The following PCDHA13 variants were observed in gnomAD, a reference collection of about 807,000 sequenced individuals.
The protein encoded by PCDHA13 is protocadherin alpha-13.
Under a neutral mutation model 64.8 loss-of-function variants are expected in PCDHA13, and 54 were observed. That is an observed-to-expected ratio of 0.83 (90% CI 0.67 to 1.04). The LOEUF is 1.04. Ranked by LOEUF, PCDHA13 falls within the 50% of genes least tolerant of loss-of-function variation. The pLI is 0.00. For missense variants in PCDHA13, 1,248 were observed against 1,254.3 expected, an observed-to-expected ratio of 0.99 and a Z score of 0.08; for synonymous variants, 587 against 564.4, an observed-to-expected ratio of 1.04 and a Z score of -0.57.
At chr5:140,949,670 T>G (rs1218670800) in intron 1 of PCDHA13, among the ~76,000 whole-genome samples, 2 of 151,862 alleles carry the variant, frequency 1.3e-5, no homozygotes, top group African/African-American at 4.8e-5. Flanking sequence ...CTTTAAAGTA[T>G]GCCCTTGTTG....
intron 1 of PCDHA13, among the ~76,000 whole-genome samples, chr5:140,931,140 G>C (rs1176305397): frequency 6.6e-6 from 1 of 152,070 alleles, no homozygotes; most frequent in African/African-American, 2.4e-5. Context: ...TATTTGCAGT[G>C]GATACTATTT....
In PCDHA13 at chr5:140,931,701, A is replaced by G. The variant is rs78657610; in HGVS notation, c.2394+47039A>G. Among the ~76,000 whole-genome samples the G allele has an allele frequency of 8.3e-3, 1,259 of 152,106 alleles. 10 individuals are homozygous for G. Among genetic ancestry groups the G allele is most frequent in the Non-Finnish European group, 0.014 (970 of 67,850 alleles). ...TAAATGAATTGTGATTCATAAAACC[A>G]TGAATAAAATAACTTCTATAAATAT... On this transcript the variant is annotated intron_variant, in intron 1 of 3. Coordinates refer to ENST00000289272, the MANE Select transcript of PCDHA13 (RefSeq NM_018904.3).
chr5:140,974,636 C>T (rs1208653634), intron 1 of PCDHA13, among the ~76,000 whole-genome samples: 2 of 152,054 alleles, frequency 1.3e-5, no homozygotes, highest in African/African-American at 4.8e-5. Flanking sequence ...CTCAACCTCC[C>T]GAGTAGCTGA....
intron 3 of PCDHA13, among the ~76,000 whole-genome samples, chr5:140,997,680 G>A (rs954561672): frequency 6.6e-6 from 1 of 151,954 alleles, no homozygotes; most frequent in African/African-American, 2.4e-5. Context: ...GTGTGTGTGT[G>A]TGTGTGTGTG....
chr5:140,924,902 A>AAT (rs2082141904), intron 1 of PCDHA13, among the ~76,000 whole-genome samples: 1 of 39,026 alleles, frequency 2.6e-5, no homozygotes, highest in African/African-American at 7.6e-5. Flanking sequence ...CTCAAAAAAA[A>AAT]AAATAAAATA....
intron 3 of PCDHA13, among the ~76,000 whole-genome samples, chr5:140,984,824 C>T (rs920985683): frequency 6.6e-6 from 1 of 151,980 alleles, no homozygotes; most frequent in African/African-American, 2.4e-5. Flanking sequence ...TCTTAATTAC[C>T]CTTTCTGTAA....
chr5:140,941,206 T>TCTTC (rs201128549), intron 1 of PCDHA13, among the ~76,000 whole-genome samples: 3,670 of 95,482 alleles, frequency 0.038, 169 homozygotes, highest in African/African-American at 0.16. Flanking sequence ...TTTCTTCCTT[T>TCTTC]CTTTCTTCCT....
intron 1 of PCDHA13, among the ~76,000 whole-genome samples, chr5:140,903,821 A>G (rs2153482193): frequency 6.6e-6 from 1 of 152,320 alleles, no homozygotes. Context: ...TCTCACATGA[A>G]TGTCTGTTGG....
rs2084561103 is a variant in PCDHA13 at position 140,927,726 on chromosome 5, A to G, written c.2394+43064A>G. On this transcript the variant is annotated intron_variant, in intron 1 of 3. Transcript: ENST00000289272. ...ACTCCCTAAGCAACAGCACGCAAGCAGAGCTGCGACACCGCTTTCACGTGC... is the reference window on the plus strand; with the variant it reads ...ACTCCCTAAGCAACAGCACGCAAGCGGAGCTGCGACACCGCTTTCACGTGC... 6 of 1,614,220 alleles carry G rather than the reference A, an allele frequency of 3.7e-6. No individual in the cohort carries two copies. The African/African-American group carries it at 8.0e-5, about 22-fold the overall frequency.
At chr5:140,993,460 T>TCCCACA (rs1554253699) in intron 3 of PCDHA13, among the ~76,000 whole-genome samples, 8 of 104,506 alleles carry the variant, frequency 7.7e-5, no homozygotes, top group African/African-American at 3.1e-4. Context: ...CTTCTTTCTT[T>TCCCACA]CTCACACACA....
intron 1 of PCDHA13, chr5:140,927,044 C>T (rs1337649079): frequency 6.2e-7 from 1 of 1,612,210 alleles, no homozygotes; most frequent in Non-Finnish European, 8.5e-7. Flanking sequence ...GCCGCTATGT[C>T]CTCGCGGAAC....
intron 1 of PCDHA13, among the ~76,000 whole-genome samples, chr5:140,894,090 C>T (rs1554185919): frequency 6.6e-6 from 1 of 152,154 alleles, no homozygotes; most frequent in African/African-American, 2.4e-5. Flanking sequence ...CCAGTATCTT[C>T]TAGCTCCTGG....
At chr5:140,914,059 G>A (rs2076582448) in intron 1 of PCDHA13, among the ~76,000 whole-genome samples, 1 of 152,202 alleles carries the variant, frequency 6.6e-6, no homozygotes, top group African/African-American at 2.4e-5. Flanking sequence ...GCTGTTGGAT[G>A]AAATGCTCCA....
chr5:140,911,885 A>T (rs1242639819), intron 1 of PCDHA13, among the ~76,000 whole-genome samples: 1 of 152,216 alleles, frequency 6.6e-6, no homozygotes, highest in Non-Finnish European at 1.5e-5. Flanking sequence ...TCCTGGGACC[A>T]AAATCTGTAT....
chr5:140,921,732 A>G lies in PCDHA13; in HGVS notation c.2394+37070A>G, dbSNP rs1345229893. 2.0e-5 allele frequency among the ~76,000 whole-genome samples: 3 copies of G among 152,206 alleles called. No individual in the cohort carries two copies. In the East Asian group the frequency reaches 5.8e-4, roughly 29 times the overall value. ...AAACACACGAATTACTCCCATAAAA[A>G]TTATAAGCATAACAGGACACTTCTT... is the stretch of plus-strand genomic sequence containing the variant. On this transcript the variant is annotated intron_variant, in intron 1 of 3. Coordinates refer to ENST00000289272, the MANE Select transcript of PCDHA13 (RefSeq NM_018904.3).
In PCDHA13 at chr5:140,882,573, G is replaced by A. The variant is rs2059201802; in HGVS notation, c.305G>A (p.Cys102Tyr). Residue 102 changes from cysteine to tyrosine, a missense_variant, in exon 1 of 4, where the codon TGC becomes TAC. Cys to Tyr is a radical substitution (Grantham distance 194, BLOSUM62 -2). Transcript: ENST00000289272. The part of the protein sequence containing the change: ...REELCGRSAE[C>Y]SIHLEVIVDR... ...GAGCTGTGTGGGCGGAGCGCGGAGT[G>A]CAGCATCCACCTGGAGGTGATCGTG... is the stretch of plus-strand genomic sequence containing the variant. 2.5e-6 allele frequency: 4 copies of A among 1,614,234 alleles called. No individual in the cohort carries two copies. The highest frequency in any genetic ancestry group is 3.4e-6 in the Non-Finnish European group (4 of 1,180,048).
chr5:140,988,622 ATGTCCTGGTTTTC>A (rs2097306090), intron 3 of PCDHA13, among the ~76,000 whole-genome samples: 1 of 152,124 alleles, frequency 6.6e-6, no homozygotes, highest in Non-Finnish European at 1.5e-5. Context: ...TAGAATGGAG[ATGTCCTGGTTTTC>A]TGAAATTAAA....
chr5:140,902,894 A>G (rs1370660183), intron 1 of PCDHA13, among the ~76,000 whole-genome samples: 1 of 152,170 alleles, frequency 6.6e-6, no homozygotes, highest in Non-Finnish European at 1.5e-5. Flanking sequence ...CTATTATTTT[A>G]TTTAGTTTAT....
rs548886698 is a variant in PCDHA13 at position 140,887,948 on chromosome 5, T to A, written c.2394+3286T>A. 7.1e-4 allele frequency among the ~76,000 whole-genome samples: 108 copies of A among 152,348 alleles called. 2 individuals carry two copies. Among genetic ancestry groups the A allele is most frequent in the Admixed American group, 7.0e-3 (107 of 15,298 alleles). On this transcript the variant is annotated intron_variant, in intron 1 of 3. Transcript: ENST00000289272. ...AGACCATATTTATTTCTTATCTGTA[T>A]AAGATTCTTTTTGTCTCTTTTAAAA... is the stretch of plus-strand genomic sequence containing the variant.
Sources: gnomAD v4.1 joint callset for allele counts (sites outside exome capture counted in the v4.1 genomes callset) on GRCh38, gnomAD v4.1.1 for gene constraint, MANE v1.5 for transcripts, NCBI Gene and HGNC (gene_info 2026-07-23, HGNC 2026-07-21) for gene names.